RNF213: variants seen among roughly 807,000 people sequenced by gnomAD.
RNF213 encodes the protein ring finger protein 213.
In RNF213, 341 loss-of-function variants were observed where a neutral mutation model predicts 514.4. The observed-to-expected ratio is 0.66, with a 90% CI of 0.61 to 0.73. The LOEUF is 0.73. RNF213 is among the 30% of genes least tolerant of loss of function. RNF213 has a pLI of 0.00. For missense variants in RNF213, 5,767 were observed against 6,615.6 expected, an observed-to-expected ratio of 0.87 and a Z score of 4.45; for synonymous variants, 2,655 against 2,658.2, an observed-to-expected ratio of 1.00 and a Z score of 0.04.
Position 80,355,597 on chromosome 17 carries a change from CAGG to C in RNF213, c.10862+1022_10862+1024del, listed in dbSNP as rs1568123245. ...CGGGGTGAGTGGGAATGGGGGCTTA[CAGG>C]GGAAGAAGCGGGGTGAGTGGGAATG... On this transcript the variant is annotated intron_variant, in intron 36 of 67. Coordinates refer to ENST00000582970, the MANE Select transcript of RNF213 (RefSeq NM_001256071.3). Among the ~76,000 whole-genome samples the C allele has an allele frequency of 4.1e-4, 19 of 46,556 alleles. 2 individuals are homozygous for C. The highest frequency in any genetic ancestry group is 1.6e-3 in the African/African-American group (15 of 9,634). 30.5% of individuals were successfully genotyped at this position (46,556 alleles called of 152,430 possible).
At chr17:80,355,871 G>A (rs1188945737) in intron 36 of RNF213, among the ~76,000 whole-genome samples, 3 of 152,134 alleles carry the variant, frequency 2.0e-5, no homozygotes, top group African/African-American at 7.2e-5. Context: ...CACCTTCCTC[G>A]TGACCAGAGA....
At chr17:80,302,614 G>T (rs1002539434) in intron 11 of RNF213, among the ~76,000 whole-genome samples, 1 of 152,128 alleles carries the variant, frequency 6.6e-6, no homozygotes, top group Admixed American at 6.5e-5. Context: ...CCAGTACTTT[G>T]GGAGGCCCAG....
At position 80,353,150 on chromosome 17, in the gene RNF213, G is replaced by T; in HGVS notation, c.10423+91G>T. On this transcript the variant is annotated intron_variant, in intron 33 of 67. Coordinates refer to ENST00000582970, the MANE Select transcript of RNF213 (RefSeq NM_001256071.3). This position sits in a 1 kb window ranked among gnomAD's most constrained non-coding sequence, Gnocchi z 5.0. ...TGGCGTGCACATGGCACTAGGAGCAGGGCCACCGTGTTTCGTCCCTCGGCA... is the reference window on the plus strand; with the variant it reads ...TGGCGTGCACATGGCACTAGGAGCATGGCCACCGTGTTTCGTCCCTCGGCA... The T allele has an allele frequency of 6.4e-7, 1 of 1,556,640 alleles. No individual in the cohort carries two copies. The highest frequency in any genetic ancestry group is 1.3e-5 in the African/African-American group (1 of 74,268).
At chr17:80,381,487 C>T (rs1207369730) in intron 56 of RNF213, 60 bp from the exon 57 acceptor site, 6 of 1,574,450 alleles carry the variant, frequency 3.8e-6, no homozygotes, top group African/African-American at 1.3e-5. Context: ...CTCTACCAGG[C>T]TCACCATCTT....
At chr17:80,281,623 C>CCCA (rs1300470137) in intron 3 of RNF213, among the ~76,000 whole-genome samples, 8 of 138,428 alleles carry the variant, frequency 5.8e-5, no homozygotes, top group South Asian at 2.4e-4. Context: ...ACCACTCACA[C>CCCA]ACACCCCCAA....
rs906561784 is a variant in RNF213 at position 80,343,640 on chromosome 17, G to A, written c.6184-217G>A. Among the ~76,000 whole-genome samples, 4 of 152,124 alleles carry A rather than the reference G, an allele frequency of 2.6e-5. No homozygotes were observed. The highest frequency in any genetic ancestry group is 7.2e-5 in the African/African-American group (3 of 41,416). On this transcript the variant is annotated intron_variant, in intron 27 of 67. Transcript: ENST00000582970. The surrounding 1 kb of genome is among the most constrained non-coding windows in gnomAD (Gnocchi z 4.3). ...TGAATCCTGGAGCCAATTGTAAAAC[G>A]GTGTATTTATGTGTCTAAACATAAA...
intron 9 of RNF213, 152 bp from the exon 10 acceptor site, chr17:80,295,405 G>A: frequency 1.0e-6 from 1 of 970,766 alleles, no homozygotes; most frequent in East Asian, 2.6e-5. Flanking sequence ...CAGGGTCTTG[G>A]CTGCACTGCA....
At chr17:80,393,201 G>C in intron 67 of RNF213, 144 bp from the exon 68 acceptor site, 1 of 777,446 alleles carries the variant, frequency 1.3e-6, no homozygotes. Flanking sequence ...GGCTGGTCTT[G>C]AACTCCTGAC....
chr17:80,268,233 C>T (rs1414535791), intron 2 of RNF213, among the ~76,000 whole-genome samples: 3 of 151,502 alleles, frequency 2.0e-5, no homozygotes, highest in South Asian at 2.1e-4. Flanking sequence ...TATTGTGAAT[C>T]GTGCTACAGT....
rs777658173 is a variant in RNF213 at position 80,346,820 on chromosome 17, C to T, written c.8485C>T (p.Gln2829Ter). ...CACCTTCCGGCAGTGCGCCCGCTTT[C>T]AGCAGGGGAAGGACCTGCAGCAGTA... is the stretch of plus-strand genomic sequence containing the variant. ...ISTFRQCARF[Q>*]QGKDLQQYVS... The change falls in exon 29 of 68, where the codon CAG becomes TAG. Residue 2829 changes from glutamine (Q) to a stop codon, truncating the protein, a stop_gained. Transcript: ENST00000582970. LOFTEE classifies it high-confidence loss of function. The surrounding 1 kb of genome is among the most constrained non-coding windows in gnomAD (Gnocchi z 8.1). The T allele has an allele frequency of 1.9e-6, 3 of 1,614,158 alleles. No individual in the cohort carries two copies. Among genetic ancestry groups the T allele is most frequent in the Non-Finnish European group, 1.7e-6 (2 of 1,180,028 alleles).
At chr17:80,349,999 C>T (rs1841025920) in intron 30 of RNF213, 93 bp downstream of exon 30, 18 of 1,376,362 alleles carry the variant, frequency 1.3e-5, no homozygotes, top group Non-Finnish European at 1.9e-5. Context: ...GGTTAATGAG[C>T]GCCACAGTCA....
chr17:80,376,569 G>A (rs2079769245), intron 52 of RNF213, 26 bp downstream of exon 52: 1 of 1,613,468 alleles, frequency 6.2e-7, no homozygotes, highest in Admixed American at 1.7e-5. Flanking sequence ...AATTCCATCG[G>A]CCTTCACTGG....
intron 36 of RNF213, 28 bp downstream of exon 36, chr17:80,354,604 G>A: frequency 6.2e-7 from 1 of 1,613,750 alleles, no homozygotes. Context: ...AGCAAGGAGT[G>A]GCTCCAATCT....
intron 50 of RNF213, among the ~76,000 whole-genome samples, chr17:80,375,377 T>C (rs2079705752): frequency 1.3e-5 from 2 of 152,126 alleles, no homozygotes. Context: ...TCTTTTCACA[T>C]GCAAACTTCG....
chr17:80,331,961 A>G (rs138164993), intron 20 of RNF213, 45 bp from the exon 21 acceptor site: 1 of 1,508,594 alleles, frequency 6.6e-7, no homozygotes, highest in East Asian at 2.5e-5. Context: ...AAATGGAATC[A>G]TGATTAGAGC....
At chr17:80,373,511 G>A (rs2079609996) in intron 49 of RNF213, among the ~76,000 whole-genome samples, 1 of 151,862 alleles carries the variant, frequency 6.6e-6, no homozygotes, top group Non-Finnish European at 1.5e-5. Flanking sequence ...CCAAGGTGAG[G>A]GCACTCACCT....
At chr17:80,352,636 A>G (rs2078568835) in intron 32 of RNF213, 1 of 600,902 alleles carries the variant, frequency 1.7e-6, no homozygotes, top group Non-Finnish European at 3.0e-6. Flanking sequence ...TGATACAGCA[A>G]ATACAACAAT....
At chr17:80,293,535 A>T (rs1030016218) in intron 8 of RNF213, among the ~76,000 whole-genome samples, 3 of 151,980 alleles carry the variant, frequency 2.0e-5, no homozygotes, top group Non-Finnish European at 2.9e-5. Flanking sequence ...TTAAAAGGGC[A>T]CGTGGTGGCT....
In RNF213 at chr17:80,303,839, G is replaced by A. The variant is rs2045266452; in HGVS notation, c.2211-2413G>A. On this transcript the variant is annotated intron_variant, in intron 11 of 67. Coordinates refer to ENST00000582970, the MANE Select transcript of RNF213 (RefSeq NM_001256071.3). ...CCCGCCTCAGCCTTCCAAAGTGCTGGGATTACAGGCGTGAGCCACCCACTG... is the reference window on the plus strand; with the variant it reads ...CCCGCCTCAGCCTTCCAAAGTGCTGAGATTACAGGCGTGAGCCACCCACTG... Among the ~76,000 whole-genome samples, 5 of 151,392 alleles carry A rather than the reference G, an allele frequency of 3.3e-5. No individual in the cohort carries two copies. In the Admixed American group the frequency reaches 3.3e-4, roughly 10 times the overall value.
Sources: gnomAD v4.1 joint callset for allele counts (sites outside exome capture counted in the v4.1 genomes callset) on GRCh38, gnomAD v4.1.1 for gene constraint, Gnocchi (gnomAD v3.1) non-coding constraint, MANE v1.5 for transcripts, NCBI Gene and HGNC (gene_info 2026-07-23, HGNC 2026-07-21) for gene names.